NOX4: variants seen among roughly 807,000 people sequenced by gnomAD.
The protein encoded by NOX4 is NADPH oxidase 4.
A neutral mutation model predicts 87.6 loss-of-function variants in NOX4; 69 were observed. The observed-to-expected ratio is 0.79, with a 90% CI of 0.65 to 0.96. NOX4 has a LOEUF of 0.96. NOX4 is among the 40% of genes least tolerant of loss of function. The pLI is 0.00. For missense variants in NOX4, 680 were observed against 681.5 expected, an observed-to-expected ratio of 1.00 and a Z score of 0.02; for synonymous variants, 275 against 238.2, an observed-to-expected ratio of 1.15 and a Z score of -1.42.
intron 2 of NOX4, chr11:89,488,858 A>G (rs1946733370): frequency 8.1e-6 from 5 of 614,998 alleles, no homozygotes; most frequent in Middle Eastern, 2.6e-4. Flanking sequence ...GTTTATTAGA[A>G]GAAACCTTTT....
intron 5 of NOX4, among the ~76,000 whole-genome samples, chr11:89,442,363 A>G (rs1026602688): frequency 6.6e-6 from 1 of 152,136 alleles, no homozygotes; most frequent in Non-Finnish European, 1.5e-5. Context: ...AAAACTAAAA[A>G]TGTACAACCT....
At chr11:89,333,480 G>C (rs1945562235) in intron 17 of NOX4, among the ~76,000 whole-genome samples, 1 of 151,600 alleles carries the variant, frequency 6.6e-6, no homozygotes. Flanking sequence ...ACATAACGAA[G>C]AGTTACCAGT....
At chr11:89,517,216 C>T in the NOX4 span, among the ~76,000 whole-genome samples, 1 of 151,886 alleles carries the variant, frequency 6.6e-6, no homozygotes, top group Admixed American at 6.6e-5. Flanking sequence ...TAACAAGGAC[C>T]TTTTTCTAAA....
chr11:89,509,221 A>T, the NOX4 span, among the ~76,000 whole-genome samples: 2 of 137,414 alleles, frequency 1.5e-5, no homozygotes, highest in Non-Finnish European at 3.2e-5. Context: ...GGAAGTTCAA[A>T]AGAAACAATA....
chr11:89,335,391 C>A (rs768486713), intron 17 of NOX4, among the ~76,000 whole-genome samples: 18 of 151,568 alleles, frequency 1.2e-4, no homozygotes, highest in Middle Eastern at 3.2e-3. Context: ...TATTACAATG[C>A]AGAGAGTTTT....
rs1179262113 is a variant in NOX4, at chr11:89,438,538, CTATA to C, written c.475+2146_475+2149del. On this transcript the variant is annotated intron_variant, in intron 6 of 17. Coordinates refer to ENST00000263317, the MANE Select transcript of NOX4 (RefSeq NM_016931.5). ...TACTATATATACTATATATTACACA[CTATA>C]TATAATAATATACTATATATAATAT... Among the ~76,000 whole-genome samples the C allele has an allele frequency of 1.0e-4, 9 of 86,422 alleles. 1 individual carries two copies. The Admixed American group carries it at 1.7e-3, about 16-fold the overall frequency. 56.7% of individuals were successfully genotyped at this position (86,422 alleles called of 152,430 possible).
intron 11 of NOX4, among the ~76,000 whole-genome samples, chr11:89,395,572 C>T (rs188142001): frequency 6.6e-6 from 1 of 152,192 alleles, no homozygotes; most frequent in African/African-American, 2.4e-5. Flanking sequence ...TCATGAAGTC[C>T]TTGCCCATGC....
chr11:89,438,286 AC>A (rs1243932266), intron 6 of NOX4, among the ~76,000 whole-genome samples: 1 of 134,460 alleles, frequency 7.4e-6, no homozygotes, highest in East Asian at 2.1e-4. Context: ...TATATATACT[AC>A]ATATAAAATA....
At chr11:89,361,579 A>C (rs1938529269) in intron 12 of NOX4, among the ~76,000 whole-genome samples, 1 of 152,108 alleles carries the variant, frequency 6.6e-6, no homozygotes, top group East Asian at 1.9e-4. Flanking sequence ...TGGAACCAAA[A>C]TCTACCTGTA....
chr11:89,430,169 A>C (rs1045806409), intron 7 of NOX4, among the ~76,000 whole-genome samples: 2 of 152,044 alleles, frequency 1.3e-5, no homozygotes, highest in East Asian at 3.9e-4. Context: ...CATGCTAAAA[A>C]CTCTCAATAA....
At chr11:89,398,711 C>T (rs865830620) in intron 11 of NOX4, among the ~76,000 whole-genome samples, 1 of 151,534 alleles carries the variant, frequency 6.6e-6, no homozygotes, top group East Asian at 2.0e-4. Flanking sequence ...AATAGTTTTG[C>T]TATCTTTCTT....
chr11:89,459,764 C>A (rs1460393099), intron 2 of NOX4, among the ~76,000 whole-genome samples: 1 of 152,148 alleles, frequency 6.6e-6, no homozygotes, highest in Non-Finnish European at 1.5e-5. Flanking sequence ...ACTGCCATCC[C>A]CATCAAGTTA....
intron 4 of NOX4, among the ~76,000 whole-genome samples, chr11:89,446,705 T>C (rs1944725460): frequency 6.6e-6 from 1 of 152,066 alleles, no homozygotes; most frequent in Non-Finnish European, 1.5e-5. Context: ...AGTGGTGGTC[T>C]GGCGTTAGTG....
At chr11:89,351,909 T>C (rs1279261461) in intron 13 of NOX4, among the ~76,000 whole-genome samples, 1 of 152,078 alleles carries the variant, frequency 6.6e-6, no homozygotes, top group Non-Finnish European at 1.5e-5. Context: ...ATACACATAA[T>C]CAAATACTGT....
At position 89,457,011 on chromosome 11, in the gene NOX4, T is replaced by C. The variant is rs372247966; in HGVS notation, c.154-5116A>G. On this transcript the variant is annotated intron_variant, in intron 2 of 17. Coordinates refer to ENST00000263317, the MANE Select transcript of NOX4 (RefSeq NM_016931.5). ...TACCTGCTTGAAGCACAGCCTCTGA[T>C]GGCCAACCAAGTTGCTTCCCAGGGG... Among the ~76,000 whole-genome samples the C allele has an allele frequency of 1.7e-4, 26 of 152,130 alleles. 1 individual carries two copies. Among genetic ancestry groups the C allele is most frequent in the African/African-American group, 6.3e-4 (26 of 41,436 alleles).
At chr11:89,416,841 G>T (rs1805971610) in intron 8 of NOX4, among the ~76,000 whole-genome samples, 2 of 152,130 alleles carry the variant, frequency 1.3e-5, no homozygotes, top group South Asian at 2.1e-4. Context: ...ATTAACTCTT[G>T]CTAACAAGTA....
At chr11:89,336,087 C>G in intron 16 of NOX4, 142 bp from the exon 17 acceptor site, 2 of 437,616 alleles carry the variant, frequency 4.6e-6, no homozygotes, top group South Asian at 6.5e-5. Flanking sequence ...CTATCACGTA[C>G]AATTATTTCA....
chr11:89,382,051 C>T (rs1248355065), intron 11 of NOX4, among the ~76,000 whole-genome samples: 14 of 152,272 alleles, frequency 9.2e-5, no homozygotes, highest in African/African-American at 2.9e-4. Context: ...GGACACCTGT[C>T]TGATTATTCA....
intron 2 of NOX4, 49 bp from the exon 3 acceptor site, chr11:89,451,944 C>A (rs368601823): frequency 1.7e-5 from 22 of 1,261,902 alleles, no homozygotes; most frequent in Non-Finnish European, 2.4e-5. Context: ...AGTAGTAAAG[C>A]CCTGTCCTGG....
Sources: allele counts gnomAD v4.1 joint callset (sites outside exome capture counted in the v4.1 genomes callset), GRCh38; gene constraint gnomAD v4.1.1; transcripts MANE v1.5; gene names NCBI Gene and HGNC (gene_info 2026-07-23, HGNC 2026-07-21).